MTUS1: variants seen among roughly 807,000 people sequenced by gnomAD.
MTUS1 encodes the protein microtubule associated scaffold protein 1.
MTUS1 carries 109 observed loss-of-function variants against 120.8 expected under a neutral mutation model. The observed-to-expected ratio is 0.90, with a 90% confidence interval of 0.77 to 1.06. The LOEUF (loss-of-function observed/expected upper bound fraction) is 1.06. MTUS1 is among the 50% of genes least tolerant of loss of function. The pLI is 0.00. For synonymous variants in MTUS1, 737 were observed against 550.5 expected, an observed-to-expected ratio of 1.34 and a Z score of -4.74; for missense variants, 2,210 against 1,486.3, an observed-to-expected ratio of 1.49 and a Z score of -8.01.
intron 3 of MTUS1, among the ~76,000 whole-genome samples, chr8:17,741,104 C>T (rs1464308321): frequency 2.6e-5 from 4 of 152,062 alleles, no homozygotes; most frequent in African/African-American, 9.7e-5. Flanking sequence ...GTCTCAAACT[C>T]CTGACCTCAG....
intron 8 of MTUS1, among the ~76,000 whole-genome samples, chr8:17,661,325 C>T (rs10093878): frequency 6.6e-6 from 1 of 151,928 alleles, no homozygotes; most frequent in Non-Finnish European, 1.5e-5. Flanking sequence ...TTAAAATTTC[C>T]GGTATTTCCA....
intron 1 of MTUS1, among the ~76,000 whole-genome samples, chr8:17,796,472 C>T (rs1390036040): frequency 6.6e-6 from 1 of 152,188 alleles, no homozygotes; most frequent in Non-Finnish European, 1.5e-5. Flanking sequence ...TGTTCACACT[C>T]TAAACTTGTT....
intron 1 of MTUS1, among the ~76,000 whole-genome samples, chr8:17,787,086 T>C (rs6995155): frequency 0.015 from 2,290 of 152,308 alleles, 49 homozygotes; most frequent in African/African-American, 0.052. Flanking sequence ...GAGAAAGCGC[T>C]GTGTAAACAC....
chr8:17,739,914 C>T (rs963198953), intron 3 of MTUS1, among the ~76,000 whole-genome samples: 1 of 152,128 alleles, frequency 6.6e-6, no homozygotes, highest in African/African-American at 2.4e-5. Flanking sequence ...ATAATCTGGT[C>T]TCATATAATA....
At chr8:17,709,334 A>C in intron 6 of MTUS1, among the ~76,000 whole-genome samples, 1 of 152,072 alleles carries the variant, frequency 6.6e-6, no homozygotes, top group Non-Finnish European at 1.5e-5. Context: ...TTTCCCTCAC[A>C]TGACAGCCTT....
chr8:17,697,422 A>G (rs764339516), intron 6 of MTUS1: 21 of 1,610,590 alleles, frequency 1.3e-5, no homozygotes, highest in Non-Finnish European at 1.6e-5. Flanking sequence ...GGCAATTTCC[A>G]TGGACTGTCA....
intron 3 of MTUS1, among the ~76,000 whole-genome samples, chr8:17,736,439 A>T (rs561218324): frequency 4.6e-5 from 7 of 152,118 alleles, no homozygotes; most frequent in African/African-American, 1.4e-4. Context: ...CTGTGCCTGG[A>T]AAGTCCTCCC....
chr8:17,661,244 G>A (rs559723685), intron 8 of MTUS1, among the ~76,000 whole-genome samples: 11 of 152,312 alleles, frequency 7.2e-5, no homozygotes, highest in African/African-American at 1.2e-4. Flanking sequence ...TTTGCAAGCC[G>A]TTGGTGAAGG....
chr8:17,753,773 G>C lies in MTUS1; in HGVS notation c.2035C>G (p.Gln679Glu). The C allele has an allele frequency of 2.5e-6, 4 of 1,613,040 alleles. No individual in the cohort carries two copies. Among genetic ancestry groups the C allele is most frequent in the Non-Finnish European group, 2.5e-6 (3 of 1,179,820 alleles). ...TTCATAATCTCTTGTTTCAGCTCTT[G>C]TTTTTCCATAGATGTCCCATTTTCT... ...EKENGTSMEK[Q>E]ELKQEIMNET... The change falls in exon 2 of 15, where the codon CAA becomes GAA. Residue 679 changes from glutamine to glutamate, a missense_variant. Gln to Glu is a conservative substitution (Grantham distance 29, BLOSUM62 2). Transcript: ENST00000693296.
intron 6 of MTUS1, among the ~76,000 whole-genome samples, chr8:17,688,655 T>A (rs1816336376): frequency 6.6e-6 from 1 of 152,198 alleles, no homozygotes; most frequent in Non-Finnish European, 1.5e-5. Flanking sequence ...TTCCCCAGCA[T>A]CTGGTGGCAG....
intron 3 of MTUS1, among the ~76,000 whole-genome samples, chr8:17,742,603 T>A (rs2047424620): frequency 6.6e-6 from 1 of 152,090 alleles, no homozygotes; most frequent in Non-Finnish European, 1.5e-5. Context: ...CAAACCCCTC[T>A]TCCTCCACTC....
chr8:17,751,857 T>G (rs2048220042), intron 2 of MTUS1, among the ~76,000 whole-genome samples: 1 of 108,872 alleles, frequency 9.2e-6, no homozygotes, highest in South Asian at 3.0e-4. Context: ...AACAAGACTC[T>G]GCCTTAAAAA....
intron 6 of MTUS1, among the ~76,000 whole-genome samples, chr8:17,707,690 C>T (rs552596314): frequency 1.8e-4 from 28 of 152,148 alleles, no homozygotes; most frequent in Non-Finnish European, 3.7e-4. Context: ...ATAGCCATAA[C>T]TATCTTGAAA....
intron 1 of MTUS1, among the ~76,000 whole-genome samples, chr8:17,775,418 T>C (rs983742870): frequency 3.9e-5 from 6 of 152,082 alleles, no homozygotes; most frequent in Admixed American, 3.9e-4. Flanking sequence ...ATCATGAGTA[T>C]CTGAGACCTC....
At position 17,684,484 on chromosome 8, in the gene MTUS1, G is replaced by A. The variant is rs1038551507; in HGVS notation, c.2682C>T (p.Pro894=). 5.0e-6 allele frequency: 8 copies of A among 1,614,152 alleles called. No homozygotes were observed. Among genetic ancestry groups the A allele is most frequent in the African/African-American group, 2.7e-5 (2 of 75,054 alleles). The change falls in exon 7 of 15, where the codon CCC becomes CCT. Residue 894 remains proline (P), a synonymous_variant. Transcript: ENST00000693296. The stretch of plus-strand genomic sequence containing the variant: ...GTGTTTTCTCAGGGGGCAGCGCATC[G>A]GGAGCTGTCTGTGGCTGGATACATA... ...RSLCIQPQTA[P]DALPPEKTLE...
intron 8 of MTUS1, among the ~76,000 whole-genome samples, chr8:17,662,265 AT>A (rs1809903716): frequency 6.6e-6 from 1 of 152,104 alleles, no homozygotes; most frequent in Non-Finnish European, 1.5e-5. Context: ...ATTGTTTCGA[AT>A]TTGCAACAAG....
intron 8 of MTUS1, among the ~76,000 whole-genome samples, chr8:17,670,496 G>A (rs939031534): frequency 6.6e-6 from 1 of 152,164 alleles, no homozygotes; most frequent in Non-Finnish European, 1.5e-5. Context: ...AGGCAATGTG[G>A]AAAAGTGCTT....
chr8:17,752,980 T>C (rs1264391392), intron 2 of MTUS1, among the ~76,000 whole-genome samples: 1 of 152,206 alleles, frequency 6.6e-6, no homozygotes, highest in Non-Finnish European at 1.5e-5. Flanking sequence ...ACCTTTACAC[T>C]GCATGTGAAT....
chr8:17,763,485 T>G (rs1169520169), intron 1 of MTUS1, among the ~76,000 whole-genome samples: 1 of 152,184 alleles, frequency 6.6e-6, no homozygotes. Flanking sequence ...CTCCTGGCTT[T>G]TGACTCACTC....
Sources: allele counts gnomAD v4.1 joint callset (sites outside exome capture counted in the v4.1 genomes callset), GRCh38; gene constraint gnomAD v4.1.1; transcripts MANE v1.5; gene names NCBI Gene and HGNC (gene_info 2026-07-23, HGNC 2026-07-21).